SUFU: variants seen among roughly 807,000 people sequenced by gnomAD.
SUFU encodes suppressor of fused homolog.
A neutral mutation model predicts 58.9 loss-of-function variants in SUFU; 7 were observed. The observed-to-expected ratio is 0.12, with a 90% CI of 0.07 to 0.22. SUFU has a LOEUF of 0.22. Ranked by LOEUF, SUFU falls within the 10% of genes least tolerant of loss-of-function variation. SUFU has a pLI of 1.00. For synonymous variants in SUFU, 232 were observed against 254.8 expected, an observed-to-expected ratio of 0.91 and a Z score of 0.85; for missense variants, 451 against 641.3, an observed-to-expected ratio of 0.70 and a Z score of 3.20.
At position 102,551,356 on chromosome 10, in the gene SUFU, G is replaced by A. The variant is rs1034102711; in HGVS notation, c.454+1250G>A. ...GTTGGCCAGAAGTGGGACTAGGGCA[G>A]GCCAGGCACAGTGGCTCACGCCTGT... On this transcript the variant is annotated intron_variant, in intron 3 of 11. Coordinates refer to ENST00000369902, the MANE Select transcript of SUFU (RefSeq NM_016169.4). Among the ~76,000 whole-genome samples, 8 of 152,212 alleles carry A rather than the reference G, an allele frequency of 5.3e-5. No homozygotes were observed. The East Asian group carries it at 1.5e-3, about 29-fold the overall frequency.
chr10:102,610,653 T>G lies in SUFU; in HGVS notation c.1023-4615T>G, dbSNP rs565940627. Among the ~76,000 whole-genome samples the G allele has an allele frequency of 4.9e-4, 75 of 152,306 alleles. No homozygotes were observed. The South Asian group carries it at 0.012, about 25-fold the overall frequency. ...CCGTCAGCCTGTCTGCCTAGCCCTTTCCTGTTTACTTTTTAATCAAAGCCT... is the reference window on the plus strand; with the variant it reads ...CCGTCAGCCTGTCTGCCTAGCCCTTGCCTGTTTACTTTTTAATCAAAGCCT... On this transcript the variant is annotated intron_variant, in intron 8 of 11. Transcript: ENST00000369902.
At chr10:102,590,141 CTTTTTTTTTTTCTTTTTTCT>C (rs2063380707) in intron 3 of SUFU, among the ~76,000 whole-genome samples, 1 of 76,208 alleles carries the variant, frequency 1.3e-5, no homozygotes, top group Non-Finnish European at 2.8e-5. Context: ...CCGACTTTTT[CTTTTTTTTTTTCTTTTTTCT>C]TTTTTTTTTT....
At chr10:102,565,988 G>A (rs2063085529) in intron 3 of SUFU, among the ~76,000 whole-genome samples, 1 of 152,194 alleles carries the variant, frequency 6.6e-6, no homozygotes, top group Admixed American at 6.5e-5. Context: ...TTGCAATTCA[G>A]GGATGCTTTC....
chr10:102,551,717 CTTTTTTTT>C (rs771685480), intron 3 of SUFU, among the ~76,000 whole-genome samples: 5 of 68,714 alleles, frequency 7.3e-5, no homozygotes, highest in Non-Finnish European at 1.3e-4. Context: ...TATGTGCCTT[CTTTTTTTT>C]TTTTTTTTTT....
chr10:102,596,088 G>T (rs571010275), intron 6 of SUFU, among the ~76,000 whole-genome samples: 4 of 152,258 alleles, frequency 2.6e-5, no homozygotes, highest in African/African-American at 7.2e-5. Flanking sequence ...GCTTTGCCCA[G>T]GCCAGCATTA....
intron 3 of SUFU, among the ~76,000 whole-genome samples, chr10:102,590,226 C>T (rs897697970): frequency 1.5e-5 from 2 of 136,258 alleles, no homozygotes; most frequent in Non-Finnish European, 1.5e-5. Flanking sequence ...AGTGCAGTGG[C>T]GCAATCTCTG....
intron 2 of SUFU, among the ~76,000 whole-genome samples, chr10:102,520,047 C>T (rs1249636670): frequency 1.3e-5 from 2 of 151,828 alleles, no homozygotes; most frequent in African/African-American, 4.8e-5. Context: ...GCTGGGATTA[C>T]AGGTGTGAGC....
chr10:102,586,991 C>A (rs1296740315), intron 3 of SUFU, among the ~76,000 whole-genome samples: 1 of 152,198 alleles, frequency 6.6e-6, no homozygotes. Flanking sequence ...TTTCACTTAA[C>A]ATAATATTAT....
At chr10:102,570,485 CCTGCCTCGGT>C (rs773388113) in intron 3 of SUFU, among the ~76,000 whole-genome samples, 22 of 152,108 alleles carry the variant, frequency 1.4e-4, no homozygotes, top group Non-Finnish European at 2.4e-4. Flanking sequence ...TTGTGATCCG[CCTGCCTCGGT>C]CTCCCAAAGG....
intron 3 of SUFU, among the ~76,000 whole-genome samples, chr10:102,567,944 C>T (rs978350753): frequency 5.3e-5 from 8 of 152,080 alleles, no homozygotes; most frequent in African/African-American, 1.9e-4. Context: ...CTGGGCCAAC[C>T]GGGCATGTCT....
rs567903875 is a variant in SUFU at position 102,521,700 on chromosome 10, A to G, written c.317+12397A>G. Among the ~76,000 whole-genome samples, 176 of 152,322 alleles carry G rather than the reference A, an allele frequency of 1.2e-3. 2 individuals carry two copies. Among genetic ancestry groups the G allele is most frequent in the African/African-American group, 4.1e-3 (172 of 41,578 alleles). ...GCCTTTGATGAGAAATGCATATACCATGCTCCTTTGAAGCCCCAACCAGAT... is the reference window on the plus strand; with the variant it reads ...GCCTTTGATGAGAAATGCATATACCGTGCTCCTTTGAAGCCCCAACCAGAT... On this transcript the variant is annotated intron_variant, in intron 2 of 11. Transcript: ENST00000369902.
intron 2 of SUFU, among the ~76,000 whole-genome samples, chr10:102,530,881 A>G (rs995938472): frequency 6.6e-6 from 1 of 152,108 alleles, no homozygotes; most frequent in Non-Finnish European, 1.5e-5. Flanking sequence ...CAGTGGTCAA[A>G]TAGAGGACTA....
intron 3 of SUFU, among the ~76,000 whole-genome samples, chr10:102,555,391 C>A (rs563742204): frequency 6.7e-6 from 1 of 149,214 alleles, no homozygotes; most frequent in Non-Finnish European, 1.5e-5. Context: ...ATGTCTTGCT[C>A]GTCCCTGAAT....
At chr10:102,613,906 A>G (rs908578947) in intron 8 of SUFU, among the ~76,000 whole-genome samples, 1 of 152,234 alleles carries the variant, frequency 6.6e-6, no homozygotes, top group Admixed American at 6.5e-5. Flanking sequence ...CCAAGGCCAC[A>G]GTCAGGAGGA....
intron 2 of SUFU, among the ~76,000 whole-genome samples, chr10:102,544,910 G>A (rs12770498): frequency 0.25 from 37,497 of 152,032 alleles, 5,084 homozygotes; most frequent in South Asian, 0.34. Context: ...TTAGCATGAT[G>A]TTTTCAAGGT....
At chr10:102,535,484 C>CAAAAA (rs11389840) in intron 2 of SUFU, among the ~76,000 whole-genome samples, 1 of 113,722 alleles carries the variant, frequency 8.8e-6, no homozygotes, top group Non-Finnish European at 1.9e-5. Context: ...GACTCCGTCT[C>CAAAAA]AAAAAAAAAA....
intron 3 of SUFU, among the ~76,000 whole-genome samples, chr10:102,566,395 TG>T (rs1298929051): frequency 6.6e-6 from 1 of 152,110 alleles, no homozygotes; most frequent in East Asian, 1.9e-4. Context: ...TTTGGGAGGC[TG>T]AGATGGGTGG....
intron 3 of SUFU, among the ~76,000 whole-genome samples, chr10:102,566,109 C>T (rs1001597518): frequency 2.0e-5 from 3 of 152,152 alleles, no homozygotes; most frequent in African/African-American, 7.2e-5. Context: ...GGAAACTGCT[C>T]ATGATAGAGT....
intron 3 of SUFU, among the ~76,000 whole-genome samples, chr10:102,587,890 G>A (rs1340125857): frequency 1.3e-5 from 2 of 152,116 alleles, no homozygotes; most frequent in African/African-American, 4.8e-5. Context: ...CCTAATCCAA[G>A]GTCAAAAGAT....
Sources: gnomAD v4.1 joint callset for allele counts (sites outside exome capture counted in the v4.1 genomes callset) on GRCh38, gnomAD v4.1.1 for gene constraint, MANE v1.5 for transcripts, NCBI Gene and HGNC (gene_info 2026-07-23, HGNC 2026-07-21) for gene names.